The following FHIP1A variants were observed in gnomAD, a reference collection of about 807,000 sequenced individuals.
FHIP1A encodes the protein FHF complex subunit HOOK interacting protein 1A.
In FHIP1A, 61 loss-of-function variants were observed where a neutral mutation model predicts 88.6. That is an observed-to-expected ratio of 0.69 (90% CI 0.56 to 0.85). FHIP1A has a LOEUF of 0.85. Among genes scored for constraint, FHIP1A ranks in the 40% least tolerant of loss-of-function variants. The probability of loss-of-function intolerance (pLI) is 0.00; values close to 1 mark genes in which losing one functional copy is unlikely to be tolerated. For missense variants in FHIP1A, 1,154 were observed against 1,273.5 expected (o/e 0.91, Z 1.43); for synonymous variants, 478 against 496.0 (o/e 0.96, Z 0.48).
rs777352940 is a variant in FHIP1A, at chr4:151,577,731, G to T, written c.387G>T (p.Ser129=). 2.3e-5 allele frequency: 35 copies of T among 1,551,528 alleles called. No homozygotes were observed. The highest frequency in any genetic ancestry group is 3.1e-5 in the Non-Finnish European group (35 of 1,146,986). ...TGTATGAGATGTTGGTCACCCAGTC[G>T]CACCAGCCTCTGCTGCACCACAAAC... is the stretch of plus-strand genomic sequence containing the variant. ...LKMYEMLVTQ[S]HQPLLHHKPI... The change falls in exon 5 of 14, where the codon TCG becomes TCT. Residue 129 remains serine (S), a synonymous_variant. Transcript: ENST00000435205.
At chr4:151,438,975 A>T (rs1345225542) in intron 1 of FHIP1A, among the ~76,000 whole-genome samples, 1 of 152,122 alleles carries the variant, frequency 6.6e-6, no homozygotes, top group African/African-American at 2.4e-5. Flanking sequence ...GTAGTTGAAA[A>T]CATATCTTTA....
At chr4:151,567,368 T>A (rs959908312) in intron 4 of FHIP1A, among the ~76,000 whole-genome samples, 27 of 152,016 alleles carry the variant, frequency 1.8e-4, no homozygotes, top group African/African-American at 6.3e-4. Context: ...ACAGTTTAGA[T>A]CAAAACCAAG....
chr4:151,595,408 C>T (rs1335927024), intron 7 of FHIP1A, among the ~76,000 whole-genome samples: 2 of 152,036 alleles, frequency 1.3e-5, no homozygotes, highest in African/African-American at 2.4e-5. Context: ...TTATGATTTC[C>T]GTTCTTATGC....
chr4:151,607,957 T>C (rs1735137190), intron 7 of FHIP1A, among the ~76,000 whole-genome samples: 1 of 152,030 alleles, frequency 6.6e-6, no homozygotes, highest in Admixed American at 6.6e-5. Context: ...TGTTGCTCCT[T>C]AACATACTTT....
At position 151,577,567 on chromosome 4, in the gene FHIP1A, T is replaced by A; in HGVS notation, c.223T>A (p.Leu75Met). ...QNYVEHMLFL[L>M]IEEQAKDAAM... ...TTACGTAGAACACATGCTCTTCTTG[T>A]TGATTGAAGAGCAAGCCAAAGATGC... Residue 75 changes from leucine to methionine, a missense_variant, in exon 5 of 14, where the codon TTG becomes ATG. Transcript: ENST00000435205. 1 of 1,551,900 alleles carries A rather than the reference T, an allele frequency of 6.4e-7. No homozygotes were observed. The highest frequency in any genetic ancestry group is 8.7e-7 in the Non-Finnish European group (1 of 1,147,008).
intron 3 of FHIP1A, among the ~76,000 whole-genome samples, chr4:151,516,389 G>T (rs1387672673): frequency 6.6e-6 from 1 of 151,932 alleles, no homozygotes; most frequent in Admixed American, 6.6e-5. Flanking sequence ...ACATAGGCAT[G>T]GGCAAGGACT....
At chr4:151,654,940 G>A (rs1307145251) in intron 11 of FHIP1A, among the ~76,000 whole-genome samples, 1 of 152,158 alleles carries the variant, frequency 6.6e-6, no homozygotes, top group Non-Finnish European at 1.5e-5. Context: ...GACATCCTTA[G>A]TGTTCCTGGA....
chr4:151,495,600 A>G (rs1199771337), intron 3 of FHIP1A, among the ~76,000 whole-genome samples: 1 of 148,586 alleles, frequency 6.7e-6, no homozygotes, highest in Non-Finnish European at 1.5e-5. Flanking sequence ...AGTGATTTTT[A>G]TTATCTTTTT....
At chr4:151,424,094 G>C (rs1424568521) in intron 1 of FHIP1A, among the ~76,000 whole-genome samples, 1 of 152,134 alleles carries the variant, frequency 6.6e-6, no homozygotes, top group Non-Finnish European at 1.5e-5. Context: ...TTTTGTGTCA[G>C]TTTTCTCCAC....
chr4:151,455,573 C>T (rs1728938036), intron 2 of FHIP1A, among the ~76,000 whole-genome samples: 2 of 152,166 alleles, frequency 1.3e-5, no homozygotes, highest in Admixed American at 6.5e-5. Context: ...TGGCCCACCC[C>T]CCAGGTCTTT....
At chr4:151,522,411 G>C (rs1014210675) in intron 3 of FHIP1A, among the ~76,000 whole-genome samples, 1 of 152,212 alleles carries the variant, frequency 6.6e-6, no homozygotes, top group African/African-American at 2.4e-5. Flanking sequence ...GTTAATTCTT[G>C]ATGAAATGAT....
intron 3 of FHIP1A, among the ~76,000 whole-genome samples, chr4:151,564,037 G>C (rs1040881397): frequency 6.6e-6 from 1 of 152,114 alleles, no homozygotes; most frequent in Admixed American, 6.5e-5. Flanking sequence ...CAGCAAACTA[G>C]TAAGCTCATG....
chr4:151,448,272 A>G (rs933181643), intron 1 of FHIP1A, among the ~76,000 whole-genome samples: 1 of 152,228 alleles, frequency 6.6e-6, no homozygotes, highest in South Asian at 2.1e-4. Context: ...CACCCAGTCT[A>G]TGTTTTTCTG....
chr4:151,467,755 C>T (rs1290372700), intron 2 of FHIP1A, among the ~76,000 whole-genome samples: 1 of 151,988 alleles, frequency 6.6e-6, no homozygotes, highest in Non-Finnish European at 1.5e-5. Flanking sequence ...CACGTGTTCT[C>T]AATTATAATT....
chr4:151,601,636 G>A (rs1010164890), intron 7 of FHIP1A, among the ~76,000 whole-genome samples: 3 of 149,832 alleles, frequency 2.0e-5, no homozygotes, highest in Admixed American at 6.7e-5. Flanking sequence ...TGAAGCATAG[G>A]TAGCCATCAC....
At chr4:151,564,414 T>C (rs867224527) in intron 3 of FHIP1A, among the ~76,000 whole-genome samples, 4 of 151,308 alleles carry the variant, frequency 2.6e-5, no homozygotes, top group Admixed American at 6.5e-5. Flanking sequence ...AACAAGGCTG[T>C]AAATGTAAAT....
intron 1 of FHIP1A, among the ~76,000 whole-genome samples, chr4:151,422,683 G>A (rs550339526): frequency 1.4e-4 from 22 of 152,260 alleles, no homozygotes; most frequent in Middle Eastern, 3.4e-3. Context: ...GAGCCACCGC[G>A]CCTGGCCAGA....
chr4:151,543,935 T>A (rs556644329), intron 3 of FHIP1A, among the ~76,000 whole-genome samples: 1 of 152,204 alleles, frequency 6.6e-6, no homozygotes, highest in Admixed American at 6.5e-5. Context: ...TGGAAAACTC[T>A]AGGGTGTTTC....
At chr4:151,502,231 T>C (rs996036894) in intron 3 of FHIP1A, among the ~76,000 whole-genome samples, 1 of 151,498 alleles carries the variant, frequency 6.6e-6, no homozygotes, top group African/African-American at 2.4e-5. Flanking sequence ...GTGGGAGGAT[T>C]GCTTGAGCCT....
Sources: gnomAD v4.1 joint callset for allele counts (sites outside exome capture counted in the v4.1 genomes callset) on GRCh38, gnomAD v4.1.1 for gene constraint, MANE v1.5 for transcripts, NCBI Gene and HGNC (gene_info 2026-07-23, HGNC 2026-07-21) for gene names.